The following PDXDC1 variants were observed in gnomAD, a reference collection of about 807,000 sequenced individuals.
PDXDC1 encodes pyridoxal-dependent decarboxylase domain-containing protein 1.
PDXDC1 carries 42 observed loss-of-function variants against 100.1 expected under a neutral mutation model. The observed-to-expected ratio is 0.42, with a 90% CI of 0.33 to 0.54. The LOEUF is 0.54. PDXDC1 is among the 20% of genes least tolerant of loss of function. The pLI is 0.10. For missense variants in PDXDC1, 636 were observed against 979.2 expected (o/e 0.65, Z 4.68); for synonymous variants, 260 against 371.7 (o/e 0.70, Z 3.46).
chr16:15,146,836 G>A, the PDXDC1 span, among the ~76,000 whole-genome samples: 3 of 151,960 alleles, frequency 2.0e-5, no homozygotes, highest in East Asian at 1.9e-4. Context: ...TGTTGGGGCT[G>A]CCAGTGGCTG....
At chr16:15,126,904 C>T (rs1457732012) in intron 16 of PDXDC1, 14 of 222,796 alleles carry the variant, frequency 6.3e-5, no homozygotes, top group South Asian at 2.0e-4. Flanking sequence ...CTGATCTGCC[C>T]GCCTCGGCCT....
intron 15 of PDXDC1, 196 bp downstream of exon 15, chr16:15,029,162 C>A: frequency 1.5e-6 from 1 of 665,700 alleles, no homozygotes; most frequent in South Asian, 1.7e-5. Flanking sequence ...CTGGCAAGTC[C>A]TTCTGGCATT....
At chr16:15,142,049 A>C (rs1195000869), downstream of PDXDC1, among the ~76,000 whole-genome samples, 1 of 152,168 alleles carries the variant, frequency 6.6e-6, no homozygotes, top group Non-Finnish European at 1.5e-5. Context: ...ACAGCTGTGA[A>C]ACTGCCCCGG....
chr16:15,063,111 C>G, intron 16 of PDXDC1: 2 of 1,031,968 alleles, frequency 1.9e-6, no homozygotes, highest in Non-Finnish European at 1.5e-6. Flanking sequence ...ATTACACGCA[C>G]GAACGACTTG....
At chr16:15,019,909 A>C (rs1191488849) in intron 12 of PDXDC1, among the ~76,000 whole-genome samples, 1 of 152,264 alleles carries the variant, frequency 6.6e-6, no homozygotes, top group Non-Finnish European at 1.5e-5. Context: ...TCATGAGATC[A>C]AGACCATCCT....
chr16:15,046,508 T>A (rs1367746446), intron 16 of PDXDC1, among the ~76,000 whole-genome samples: 1 of 152,084 alleles, frequency 6.6e-6, no homozygotes, highest in East Asian at 1.9e-4. Context: ...AGGCAGCGGC[T>A]ACTTTACTGC....
At chr16:15,002,115 G>A (rs1341861544) in intron 4 of PDXDC1, among the ~76,000 whole-genome samples, 1 of 152,302 alleles carries the variant, frequency 6.6e-6, no homozygotes, top group Non-Finnish European at 1.5e-5. Flanking sequence ...AAGAGTGAGT[G>A]TCGGATGTCT....
chr16:15,088,900 G>C (rs2046009161), intron 16 of PDXDC1, among the ~76,000 whole-genome samples: 1 of 152,006 alleles, frequency 6.6e-6, no homozygotes, highest in Non-Finnish European at 1.5e-5. Context: ...CATGTGCTTA[G>C]AGAGAACCAG....
intron 16 of PDXDC1, among the ~76,000 whole-genome samples, chr16:15,081,255 C>T (rs56378940): frequency 0.11 from 16,515 of 152,200 alleles, 1,178 homozygotes; most frequent in Non-Finnish European, 0.16. Flanking sequence ...TGCTGAGTCA[C>T]GTGTTAATTC....
chr16:15,000,522 T>G (rs1972914446), intron 3 of PDXDC1, among the ~76,000 whole-genome samples: 1 of 152,276 alleles, frequency 6.6e-6, no homozygotes, highest in Non-Finnish European at 1.5e-5. Context: ...TGGCGCTTCC[T>G]TTGTTGAAAG....
chr16:15,038,586 C>T, downstream of PDXDC1: 6 of 1,575,698 alleles, frequency 3.8e-6, no homozygotes, highest in Non-Finnish European at 5.2e-6. Context: ...CTAGTATTTG[C>T]TTGTCATCTT....
At position 15,131,663 on chromosome 16, in the gene PDXDC1, G is replaced by A. The variant is rs1393798960; in HGVS notation, c.1400-7216G>A. On this transcript the variant is annotated intron_variant, in intron 16 of 16. Coordinates refer to the PDXDC1 transcript ENST00000535621. Reference sequence around the variant, plus strand: ...GGTGACTCGGCTCCCAGCTCTGAGCGCTGTGGTGCCCGCACGTCTGAGCTG... The same window carrying A: ...GGTGACTCGGCTCCCAGCTCTGAGCACTGTGGTGCCCGCACGTCTGAGCTG... 2.9e-5 allele frequency: 46 copies of A among 1,574,676 alleles called. 1 individual carries two copies. The highest frequency in any genetic ancestry group is 4.5e-4 in the Middle Eastern group (2 of 4,396).
At chr16:15,147,527 C>T in the PDXDC1 span, among the ~76,000 whole-genome samples, 1 of 152,120 alleles carries the variant, frequency 6.6e-6, no homozygotes, top group African/African-American at 2.4e-5. Flanking sequence ...GCGGACTCTT[C>T]CTAGACCTTT....
rs573704460 is a variant in PDXDC1, at chr16:15,003,751, G to A, written c.243-436G>A. 5.9e-5 allele frequency among the ~76,000 whole-genome samples: 9 copies of A among 152,350 alleles called. No homozygotes were observed. In the South Asian group the frequency reaches 1.4e-3, roughly 25 times the overall value. The stretch of plus-strand genomic sequence containing the variant: ...TAATCCCAGCACTTTGGGAGGCCGA[G>A]GCAGGTGAATCACCTGAAGTCAGGA... On this transcript the variant is annotated intron_variant, in intron 4 of 22. Coordinates refer to ENST00000396410, the MANE Select transcript of PDXDC1 (RefSeq NM_015027.4).
At chr16:15,130,554 G>A (rs558966354) in intron 16 of PDXDC1, 205 of 1,358,976 alleles carry the variant, frequency 1.5e-4, no homozygotes, top group African/African-American at 1.2e-3. Context: ...GCTGCCTGCC[G>A]TCCCCACAGG....
At chr16:15,074,387 C>T (rs1415994954) in intron 16 of PDXDC1, among the ~76,000 whole-genome samples, 8 of 152,194 alleles carry the variant, frequency 5.3e-5, no homozygotes, top group African/African-American at 1.4e-4. Flanking sequence ...CAATACATAA[C>T]GGAGCACCAT....
At chr16:15,041,441 C>A (rs769295935), downstream of PDXDC1, among the ~76,000 whole-genome samples, 1 of 152,096 alleles carries the variant, frequency 6.6e-6, no homozygotes, top group Non-Finnish European at 1.5e-5. Context: ...GGAACTGAGG[C>A]TCGGCAGATG....
intron 16 of PDXDC1, among the ~76,000 whole-genome samples, chr16:15,089,672 C>A (rs1348221570): frequency 2.0e-5 from 3 of 147,486 alleles, no homozygotes; most frequent in Non-Finnish European, 4.5e-5. Flanking sequence ...TGGTGGCGGG[C>A]GAGTGTAGTC....
At chr16:15,069,053 T>C (rs2151770189) in intron 16 of PDXDC1, among the ~76,000 whole-genome samples, 1 of 152,346 alleles carries the variant, frequency 6.6e-6, no homozygotes, top group South Asian at 2.1e-4. Context: ...TAAAACCTCA[T>C]CCTACTAGTT....
Sources: gnomAD v4.1 joint callset for allele counts (sites outside exome capture counted in the v4.1 genomes callset) on GRCh38, gnomAD v4.1.1 for gene constraint, MANE v1.5 for transcripts, NCBI Gene and HGNC (gene_info 2026-07-23, HGNC 2026-07-21) for gene names.